SMIM27: variants seen among roughly 807,000 people sequenced by gnomAD.
SMIM27 encodes the protein TOPORS antisense RNA 1 (non-protein coding).
In SMIM27, 3 loss-of-function variants were observed where a neutral mutation model predicts 1.8. The observed-to-expected ratio is 1.65, with a 90% CI of 0.75 to 4.28. The LOEUF (loss-of-function observed/expected upper bound fraction) is 4.28. SMIM27 is among the 30% of genes most tolerant of loss of function. The pLI is 0.02. For synonymous variants in SMIM27, 19 were observed against 13.9 expected (o/e 1.37, Z -0.82); for missense variants, 63 against 37.0 (o/e 1.70, Z -1.83).
chr9:32,554,330 G>C (rs571911421), downstream of SMIM27, among the ~76,000 whole-genome samples: 9 of 152,274 alleles, frequency 5.9e-5, no homozygotes, highest in South Asian at 1.0e-3. Flanking sequence ...AATGTGTTAC[G>C]CAATCACCAG....
chr9:32,558,879 CA>C, intron 1 of SMIM27: 3 of 1,428,142 alleles, frequency 2.1e-6, no homozygotes, highest in Non-Finnish European at 1.9e-6. Flanking sequence ...AAACAATAAA[CA>C]AAAGAAAAAT....
downstream of SMIM27, chr9:32,553,835 C>T: frequency 1.5e-6 from 2 of 1,319,700 alleles, no homozygotes; most frequent in South Asian, 2.5e-5. Context: ...AATATAGGAA[C>T]AAACTTAGGC....
intron 1 of SMIM27, among the ~76,000 whole-genome samples, chr9:32,565,046 A>G (rs928005347): frequency 2.0e-5 from 3 of 152,164 alleles, no homozygotes; most frequent in African/African-American, 7.2e-5. Context: ...TAATCCCAGC[A>G]CTTTGGGTGG....
chr9:32,561,306 C>A (rs13295477), intron 1 of SMIM27, among the ~76,000 whole-genome samples: 1 of 151,942 alleles, frequency 6.6e-6, no homozygotes, highest in Non-Finnish European at 1.5e-5. Flanking sequence ...TGGCAGCACA[C>A]GCTCCTAAAA....
rs41314205 is a variant in SMIM27, at chr9:32,566,428, C to T, written c.83C>T (p.Thr28Ile). Reference sequence around the variant, plus strand: ...GAAGAGGAGCCTGCTCTCCCTGTTACTGTAGGGGTTGATGGAGTATCTTGA... The same window carrying T: ...GAAGAGGAGCCTGCTCTCCCTGTTATTGTAGGGGTTGATGGAGTATCTTGA... The change falls in exon 2 of 2, where the codon ACT (threonine) becomes ATT (isoleucine). Residue 28 changes from threonine to isoleucine, a missense_variant. Physicochemically the swap from Thr to Ile is moderately conservative, Grantham distance 89. Transcript: ENST00000451672. 6,326 of 847,028 alleles carry T rather than the reference C, an allele frequency of 7.5e-3. 38 individuals are homozygous for T. Among genetic ancestry groups the T allele is most frequent in the Middle Eastern group, 0.018 (84 of 4,570 alleles). The allele number at this position is 847,028 out of a possible 1,614,324, so 52.5% of individuals were successfully genotyped here.
At chr9:32,566,668 G>T (rs148230845) in exon 2 of SMIM27, 4 of 812,430 alleles carry the variant, frequency 4.9e-6, no homozygotes, top group Non-Finnish European at 4.4e-6. Flanking sequence ...AGGTAACTCC[G>T]GATCCGGCTT....
exon 2 of SMIM27, chr9:32,566,786 G>A (rs1331909383): frequency 1.1e-5 from 10 of 914,208 alleles, no homozygotes; most frequent in South Asian, 3.9e-5. Context: ...TCTGGCTGAC[G>A]TTGTACAGGA....
intron 1 of SMIM27, 57 bp from the exon 2 acceptor site, chr9:32,552,744 G>T: frequency 1.5e-6 from 1 of 682,272 alleles, no homozygotes; most frequent in Non-Finnish European, 2.7e-6. Context: ...GTAACCTGAC[G>T]GGGGCGAGGG....
chr9:32,559,855 CT>C (rs1351838728), intron 1 of SMIM27, among the ~76,000 whole-genome samples: 1 of 152,188 alleles, frequency 6.6e-6, no homozygotes, highest in Non-Finnish European at 1.5e-5. Flanking sequence ...TCAATCTGCT[CT>C]GTTCACTGCT....
At chr9:32,556,612 C>A (rs576358462), downstream of SMIM27, among the ~76,000 whole-genome samples, 1 of 152,120 alleles carries the variant, frequency 6.6e-6, no homozygotes, top group Non-Finnish European at 1.5e-5. Context: ...GCAAAAAATA[C>A]AGAAATATGA....
chr9:32,553,911 G>C (rs561660940), downstream of SMIM27: 6 of 1,598,884 alleles, frequency 3.8e-6, no homozygotes, highest in Admixed American at 8.4e-5. Context: ...TTCATTGGTG[G>C]AATTACTTCT....
rs1268780942 is a variant in SMIM27, at chr9:32,552,447, A to G, written c.13A>G (p.Ser5Gly). The change falls in exon 1 of 2, where the codon AGT becomes GGT. Residue 5 changes from serine (S) to glycine (G), a missense_variant. Coordinates refer to ENST00000692500, the MANE Select transcript of SMIM27 (RefSeq NM_001387564.1). MKPV[S>G]RRTLDWIYSV... Reference sequence around the variant, plus strand: ...CCGCCTCCTTACCATGAAGCCAGTAAGTCGTCGCACGCTGGACTGGATTTA... The same window carrying G: ...CCGCCTCCTTACCATGAAGCCAGTAGGTCGTCGCACGCTGGACTGGATTTA... The G allele has an allele frequency of 6.2e-7, 1 of 1,606,784 alleles. No homozygotes were observed. Among genetic ancestry groups the G allele is most frequent in the Middle Eastern group, 1.8e-4 (1 of 5,674 alleles).
rs144236792 is a variant in SMIM27, at chr9:32,563,135, TA to T, written c.46-3254del. 5.4e-3 allele frequency among the ~76,000 whole-genome samples: 821 copies of T among 152,290 alleles called. 7 individuals are homozygous for T. The highest frequency in any genetic ancestry group is 0.019 in the African/African-American group (778 of 41,548). On this transcript the variant is annotated intron_variant, in intron 1 of 1. Transcript: ENST00000451672. ...ACCTTTGGCAGGAATATCACAAAAG[TA>T]ATGCTGTGTTCTTATTGCAGCCTAT...
intron 1 of SMIM27, among the ~76,000 whole-genome samples, chr9:32,560,410 T>C (rs778781680): frequency 3.5e-4 from 53 of 152,210 alleles, no homozygotes; most frequent in Non-Finnish European, 8.8e-5. Flanking sequence ...CAGAAAAATG[T>C]AGTTAAATTT....
chr9:32,560,902 C>T (rs536161025), intron 1 of SMIM27, among the ~76,000 whole-genome samples: 2 of 152,192 alleles, frequency 1.3e-5, no homozygotes, highest in East Asian at 3.9e-4. Context: ...AAGAACCATA[C>T]ATTAATCTGG....
At chr9:32,554,002 C>G (rs933744693), downstream of SMIM27, 1 of 1,074,372 alleles carries the variant, frequency 9.3e-7, no homozygotes, top group Non-Finnish European at 1.4e-6. Flanking sequence ...GGTGATAGTT[C>G]TATTCTGTTC....
downstream of SMIM27, among the ~76,000 whole-genome samples, chr9:32,556,097 C>A (rs1369330437): frequency 1.3e-5 from 2 of 151,880 alleles, no homozygotes; most frequent in Non-Finnish European, 2.9e-5. Flanking sequence ...GGCCGGGGTG[C>A]AATGATGGAA....
chr9:32,553,630 C>T (rs1821367730), downstream of SMIM27: 25 of 443,732 alleles, frequency 5.6e-5, no homozygotes, highest in South Asian at 6.5e-4. Context: ...TAACTAAATA[C>T]TTTTCCATAC....
At chr9:32,557,285 C>G (rs1821490221), downstream of SMIM27, among the ~76,000 whole-genome samples, 1 of 150,700 alleles carries the variant, frequency 6.6e-6, no homozygotes, top group African/African-American at 2.4e-5. Flanking sequence ...GTGCCTCAGC[C>G]TCCAGGTAGC....
Sources: allele counts gnomAD v4.1 joint callset (sites outside exome capture counted in the v4.1 genomes callset), GRCh38; gene constraint gnomAD v4.1.1; transcripts MANE v1.5; gene names NCBI Gene and HGNC (gene_info 2026-07-23, HGNC 2026-07-21).